The following SSH1 variants were observed in gnomAD, a reference collection of about 807,000 sequenced individuals.
SSH1 encodes slingshot protein phosphatase 1.
A neutral mutation model predicts 79.7 loss-of-function variants in SSH1; 43 were observed. That is an observed-to-expected ratio of 0.54 (90% CI 0.42 to 0.70). SSH1 has a LOEUF of 0.70. Ranked by LOEUF, SSH1 falls within the 30% of genes least tolerant of loss-of-function variation. SSH1 has a pLI of 0.00. For missense variants in SSH1, 1,206 were observed against 1,358.8 expected, an observed-to-expected ratio of 0.89 and a Z score of 1.77; for synonymous variants, 599 against 538.3, an observed-to-expected ratio of 1.11 and a Z score of -1.56.
At chr12:108,789,735 G>C (rs930231273) in intron 14 of SSH1, among the ~76,000 whole-genome samples, 1 of 152,170 alleles carries the variant, frequency 6.6e-6, no homozygotes, top group African/African-American at 2.4e-5. Context: ...CAGCCAGAGA[G>C]AGCAGCATGC....
intron 1 of SSH1, among the ~76,000 whole-genome samples, chr12:108,856,809 C>T (rs192967496): frequency 1.3e-5 from 2 of 152,194 alleles, no homozygotes; most frequent in African/African-American, 4.8e-5. Context: ...AGAACTACCC[C>T]GGCCACAGGT....
At chr12:108,812,654 C>A (rs550767101) in intron 5 of SSH1, among the ~76,000 whole-genome samples, 1 of 152,178 alleles carries the variant, frequency 6.6e-6, no homozygotes, top group Non-Finnish European at 1.5e-5. Context: ...GACAGAGATG[C>A]GCAAGAGGCT....
intron 1 of SSH1, among the ~76,000 whole-genome samples, chr12:108,855,379 G>C (rs374335483): frequency 2.6e-5 from 4 of 152,126 alleles, no homozygotes; most frequent in African/African-American, 9.7e-5. Flanking sequence ...ACGGGTACAG[G>C]GTTCCTATTT....
chr12:108,791,679 A>G (rs1200604998), intron 14 of SSH1, among the ~76,000 whole-genome samples: 1 of 152,158 alleles, frequency 6.6e-6, no homozygotes, highest in Non-Finnish European at 1.5e-5. Context: ...GGATCACTTG[A>G]GCCTGGGAGG....
chr12:108,806,446 C>T (rs541547970), intron 8 of SSH1, 52 bp from the exon 9 acceptor site: 13 of 1,560,028 alleles, frequency 8.3e-6, no homozygotes, highest in South Asian at 1.1e-5. Context: ...AGCTTGTGGT[C>T]GGAGGTTACA....
At chr12:108,818,162 C>T in intron 4 of SSH1, 87 bp downstream of exon 4, 1 of 1,109,802 alleles carries the variant, frequency 9.0e-7, no homozygotes, top group East Asian at 2.4e-5. Context: ...CATGCCACTG[C>T]ACTCCAGCCT....
At chr12:108,847,295 A>G (rs1433814728) in intron 2 of SSH1, among the ~76,000 whole-genome samples, 1 of 152,202 alleles carries the variant, frequency 6.6e-6, no homozygotes, top group Non-Finnish European at 1.5e-5. Context: ...CAGAGCTGTA[A>G]GAACACACAA....
intron 1 of SSH1, among the ~76,000 whole-genome samples, chr12:108,854,869 C>T (rs914749726): frequency 6.6e-6 from 1 of 152,198 alleles, no homozygotes; most frequent in African/African-American, 2.4e-5. Flanking sequence ...TCTCCTGACC[C>T]CATACACACT....
chr12:108,805,281 CA>C, intron 9 of SSH1, 97 bp from the exon 10 acceptor site: 5 of 1,400,792 alleles, frequency 3.6e-6, no homozygotes, highest in Non-Finnish European at 3.9e-6. Context: ...TGCCTATTTC[CA>C]AAAAAGGTGG....
In SSH1 at chr12:108,807,769, G is replaced by A; in HGVS notation, c.595C>T (p.Pro199Ser). The change falls in exon 8 of 15, where the codon CCC (proline) becomes TCC (serine). Residue 199 changes from proline to serine, a missense_variant. Physicochemically the swap from Pro to Ser is moderately conservative, Grantham distance 74. Transcript: ENST00000326495. This position sits in a 1 kb window ranked among gnomAD's most constrained non-coding sequence, Gnocchi z 5.2. The stretch of plus-strand genomic sequence containing the variant: ...GCCCAGATGAGAGCTACACCCCCGG[G>A]GAAGTAGTTGTGCCTCCGGGCCACT... ...CEVARRHNYF[P>S]GGVALIWATY... is the part of the protein sequence containing the mutation. 6.2e-7 allele frequency: 1 copy of A among 1,613,894 alleles called. No individual in the cohort carries two copies. The highest frequency in any genetic ancestry group is 8.5e-7 in the Non-Finnish European group (1 of 1,179,910).
At chr12:108,813,801 G>A (rs2037751267) in intron 5 of SSH1, among the ~76,000 whole-genome samples, 1 of 150,930 alleles carries the variant, frequency 6.6e-6, no homozygotes, top group Non-Finnish European at 1.5e-5. Context: ...AAGGTGAAAG[G>A]GAAGGGAAGC....
intron 10 of SSH1, among the ~76,000 whole-genome samples, chr12:108,804,268 G>GA (rs2037163526): frequency 6.6e-6 from 1 of 152,056 alleles, no homozygotes; most frequent in Non-Finnish European, 1.5e-5. Context: ...ATAGGATGAA[G>GA]AAAAAAAGAG....
chr12:108,792,896 A>G, intron 13 of SSH1, 67 bp from the exon 14 acceptor site: 4 of 1,600,278 alleles, frequency 2.5e-6, no homozygotes, highest in Non-Finnish European at 3.4e-6. Context: ...TGGGAAGAGT[A>G]TGCGGTGAGC....
chr12:108,782,388 A>G lies in SSH1; in HGVS notation c.*5600T>C, dbSNP rs2036157528. ...TTGTACGGGAAGAGAACCCACCCAA[A>G]GTCCAAATCCTTTCCTGGTGGGTAA... On this transcript the variant is annotated 3_prime_UTR_variant, in exon 15 of 15. Transcript: ENST00000326495. The G allele has an allele frequency of 2.6e-5, 4 of 151,668 alleles. No homozygotes were observed. In the South Asian group the frequency reaches 8.4e-4, roughly 32 times the overall value. The allele number at this position is 151,668 out of a possible 1,614,324, so 9.4% of individuals were successfully genotyped here. A position where few individuals can be genotyped will look rare whatever the true frequency, so the allele number is the denominator to read the frequency against.
chr12:108,796,170 C>T (rs1050823928), intron 13 of SSH1, among the ~76,000 whole-genome samples: 11 of 152,220 alleles, frequency 7.2e-5, no homozygotes, highest in Non-Finnish European at 1.5e-4. Flanking sequence ...CCTGCCTCGG[C>T]CTCTTAAAGT....
chr12:108,822,884 G>C (rs2038175530), intron 3 of SSH1, among the ~76,000 whole-genome samples: 1 of 152,164 alleles, frequency 6.6e-6, no homozygotes, highest in Non-Finnish European at 1.5e-5. Context: ...CCAAGATTAG[G>C]TATACAGCAC....
chr12:108,827,152 A>G (rs1316841480), intron 2 of SSH1: 2 of 1,022,344 alleles, frequency 2.0e-6, no homozygotes, highest in Non-Finnish European at 2.8e-6. Context: ...CAGACAAAAA[A>G]CCTCAATCAA....
chr12:108,817,094 C>A lies in SSH1; in HGVS notation c.345G>T (p.Gly115=). The change falls in exon 5 of 15, where the codon GGG becomes GGT. Residue 115 remains glycine, a synonymous_variant. Transcript: ENST00000326495. The part of the protein sequence containing the change: ...VRYMVVVYSS[G]RQDTEENILL... ...AGATATTCTCCTCGGTGTCCTGGCG[C>A]CCGCTGCTGTACACCACCACCATGT... The A allele has an allele frequency of 6.2e-7, 1 of 1,614,242 alleles. No homozygotes were observed. The highest frequency in any genetic ancestry group is 8.5e-7 in the Non-Finnish European group (1 of 1,180,052).
At chr12:108,852,463 C>T (rs2039061854) in intron 2 of SSH1, among the ~76,000 whole-genome samples, 175 bp downstream of exon 2, 1 of 152,040 alleles carries the variant, frequency 6.6e-6, no homozygotes, top group South Asian at 2.1e-4. Flanking sequence ...ATCTCCTGAC[C>T]TTGTGATCCA....
Sources: gnomAD v4.1 joint callset for allele counts (sites outside exome capture counted in the v4.1 genomes callset) on GRCh38, gnomAD v4.1.1 for gene constraint, Gnocchi (gnomAD v3.1) non-coding constraint, MANE v1.5 for transcripts, NCBI Gene and HGNC (gene_info 2026-07-23, HGNC 2026-07-21) for gene names.